The following ARID4A variants were observed in gnomAD, a reference collection of about 807,000 sequenced individuals.
The protein encoded by ARID4A is AT-rich interaction domain 4A.
ARID4A carries 39 observed loss-of-function variants against 148.6 expected under a neutral mutation model. The ratio of observed to expected loss-of-function variants is 0.26; its 90% confidence interval spans 0.20 to 0.34. The LOEUF (loss-of-function observed/expected upper bound fraction) is 0.34. ARID4A is among the 10% of genes least tolerant of loss of function. The pLI, the probability that ARID4A is intolerant of heterozygous loss-of-function variation, is 1.00. For missense variants in ARID4A, 1,265 were observed against 1,449.1 expected, an observed-to-expected ratio of 0.87 and a Z score of 2.06; for synonymous variants, 475 against 481.2, an observed-to-expected ratio of 0.99 and a Z score of 0.17.
intron 5 of ARID4A, among the ~76,000 whole-genome samples, chr14:58,310,017 C>G (rs1487965756): frequency 1.3e-5 from 2 of 152,108 alleles, no homozygotes; most frequent in Non-Finnish European, 2.9e-5. Context: ...TGTTTTCAAA[C>G]CCAGGTGGCT....
chr14:58,302,935 G>A (rs555364759), intron 3 of ARID4A, among the ~76,000 whole-genome samples: 2 of 152,134 alleles, frequency 1.3e-5, no homozygotes, highest in South Asian at 4.1e-4. Context: ...ACTCCAGGCC[G>A]GATGACAGGG....
Position 58,366,479 on chromosome 14 carries a change from T to G in ARID4A, c.3523+249T>G, listed in dbSNP as rs189656085. On this transcript the variant is annotated intron_variant, in intron 22 of 23. Coordinates refer to ENST00000355431, the MANE Select transcript of ARID4A (RefSeq NM_002892.4). ...AGAAGCCATGTATGATTTATATAAA[T>G]CAGTGAAATTGAAGTGCCCTTTGTA... Among the ~76,000 whole-genome samples, 787 of 152,258 alleles carry G rather than the reference T, an allele frequency of 5.2e-3. 3 individuals are homozygous for G. The highest frequency in any genetic ancestry group is 8.9e-3 in the Non-Finnish European group (605 of 68,002).
intron 5 of ARID4A, among the ~76,000 whole-genome samples, chr14:58,316,402 T>C (rs1037701676): frequency 1.7e-4 from 26 of 152,184 alleles, no homozygotes; most frequent in Admixed American, 2.6e-4. Flanking sequence ...CTGAGAGCAT[T>C]TTCTTTTTAA....
At chr14:58,318,266 C>T (rs574074016) in intron 5 of ARID4A, among the ~76,000 whole-genome samples, 39 of 152,106 alleles carry the variant, frequency 2.6e-4, no homozygotes, top group African/African-American at 8.4e-4. Flanking sequence ...GACTAGGTTG[C>T]TAATGAGTTA....
chr14:58,327,161 C>CAGG (rs910390224), intron 8 of ARID4A, among the ~76,000 whole-genome samples: 5 of 152,242 alleles, frequency 3.3e-5, no homozygotes, highest in African/African-American at 1.2e-4. Flanking sequence ...ATTAAAAATT[C>CAGG]AGTCTCTCAG....
At chr14:58,371,634 T>A (rs976915815) in intron 23 of ARID4A, among the ~76,000 whole-genome samples, 1 of 152,110 alleles carries the variant, frequency 6.6e-6, no homozygotes, top group South Asian at 2.1e-4. Context: ...GGTTTAAGAG[T>A]TTTTGTCTCT....
chr14:58,348,627 T>C (rs766737202), intron 15 of ARID4A, among the ~76,000 whole-genome samples: 6 of 152,192 alleles, frequency 3.9e-5, no homozygotes, highest in Non-Finnish European at 7.4e-5. Context: ...GTAGGATTTA[T>C]CAAATTTTAG....
intron 3 of ARID4A, among the ~76,000 whole-genome samples, chr14:58,302,422 A>T (rs555328478): frequency 1.1e-4 from 17 of 152,046 alleles, no homozygotes; most frequent in South Asian, 4.2e-4. Flanking sequence ...TGAACCCGGG[A>T]GGCGGAGGTT....
chr14:58,349,832 C>T (rs906979619), intron 15 of ARID4A, among the ~76,000 whole-genome samples: 1 of 151,998 alleles, frequency 6.6e-6, no homozygotes, highest in African/African-American at 2.4e-5. Flanking sequence ...CCTGCTAGGC[C>T]GGGCACGGTG....
intron 19 of ARID4A, 24 bp from the exon 20 acceptor site, chr14:58,364,141 GTATAA>G (rs1443045860): frequency 1.7e-6 from 2 of 1,161,636 alleles, no homozygotes; most frequent in Non-Finnish European, 2.3e-6. Context: ...ATAAAAACCT[GTATAA>G]TATAATAATA....
rs1460762221 is a variant in ARID4A, at chr14:58,365,312, C to A, written c.3211+12C>A. On this transcript the variant is annotated intron_variant, in intron 20 of 23. Coordinates refer to ENST00000355431, the MANE Select transcript of ARID4A (RefSeq NM_002892.4). ...GAGCAGAGAGAAGGGTAAGGACTTT[C>A]TAGGGAAAAGTAAGTGTTTATATGA... 3 of 1,591,326 alleles carry A rather than the reference C, an allele frequency of 1.9e-6. No individual in the cohort carries two copies. Among genetic ancestry groups the A allele is most frequent in the Non-Finnish European group, 2.6e-6 (3 of 1,170,590 alleles).
chr14:58,369,105 G>A (rs909179213), intron 23 of ARID4A, among the ~76,000 whole-genome samples: 29 of 152,114 alleles, frequency 1.9e-4, no homozygotes, highest in African/African-American at 6.8e-4. Context: ...AAAGACAATA[G>A]GAGAGAAGAA....
At chr14:58,337,126 A>G (rs1332510286) in intron 11 of ARID4A, among the ~76,000 whole-genome samples, 1 of 150,488 alleles carries the variant, frequency 6.6e-6, no homozygotes, top group Admixed American at 6.6e-5. Flanking sequence ...TCCTGGCCTC[A>G]AGTGATCTGC....
chr14:58,334,608 A>C (rs2033703768), intron 11 of ARID4A, among the ~76,000 whole-genome samples: 2 of 152,098 alleles, frequency 1.3e-5, no homozygotes, highest in South Asian at 4.2e-4. Context: ...ACTCCACACA[A>C]CTTCATAAAG....
intron 7 of ARID4A, among the ~76,000 whole-genome samples, chr14:58,323,175 A>T (rs1233004103): frequency 6.6e-6 from 1 of 151,446 alleles, no homozygotes; most frequent in African/African-American, 2.4e-5. Flanking sequence ...AAAAAAAAGT[A>T]TTTGGCACAA....
intron 5 of ARID4A, among the ~76,000 whole-genome samples, chr14:58,309,275 T>G (rs1030392317): frequency 6.6e-6 from 1 of 152,172 alleles, no homozygotes; most frequent in Non-Finnish European, 1.5e-5. Context: ...GCCACTGCTC[T>G]CAGCTTCCCC....
intron 5 of ARID4A, among the ~76,000 whole-genome samples, chr14:58,311,719 A>G (rs1306140314): frequency 6.6e-6 from 1 of 152,206 alleles, no homozygotes; most frequent in Non-Finnish European, 1.5e-5. Context: ...TATAAAGAAA[A>G]TGTGATATAT....
At chr14:58,326,871 T>C (rs1422326450) in intron 8 of ARID4A, among the ~76,000 whole-genome samples, 1 of 152,224 alleles carries the variant, frequency 6.6e-6, no homozygotes, top group Middle Eastern at 3.2e-3. Context: ...ATGTGCCTAG[T>C]GGTATCACTG....
intron 3 of ARID4A, 147 bp from the exon 4 acceptor site, chr14:58,304,797 A>G (rs1158789083): frequency 3.4e-5 from 22 of 655,510 alleles, no homozygotes; most frequent in Non-Finnish European, 5.5e-5. Flanking sequence ...CTCACAGTTA[A>G]TAAGAGAATG....
Sources: allele counts gnomAD v4.1 joint callset (sites outside exome capture counted in the v4.1 genomes callset), GRCh38; gene constraint gnomAD v4.1.1; transcripts MANE v1.5; gene names NCBI Gene and HGNC (gene_info 2026-07-23, HGNC 2026-07-21).